Variants in TENM3 observed in about 807,000 individuals in gnomAD.
TENM3 encodes teneurin transmembrane protein 3.
Under a neutral mutation model 255.1 loss-of-function variants are expected in TENM3, and 63 were observed. The ratio of observed to expected loss-of-function variants is 0.25; its 90% CI spans 0.20 to 0.30. The LOEUF (loss-of-function observed/expected upper bound fraction) is 0.30. TENM3 is among the 10% of genes least tolerant of loss of function. The pLI is 1.00. For missense variants in TENM3, 2,929 were observed against 3,461.1 expected, an observed-to-expected ratio of 0.85 and a Z score of 3.86; for synonymous variants, 1,306 against 1,322.3, an observed-to-expected ratio of 0.99 and a Z score of 0.27.
chr4:181,534,078 C>A, the TENM3 span, among the ~76,000 whole-genome samples: 1 of 152,010 alleles, frequency 6.6e-6, no homozygotes, highest in Admixed American at 6.6e-5. Context: ...ATTATAGACA[C>A]AAAACAGACT....
chr4:182,162,569 C>G (rs1217163221), intron 1 of TENM3, among the ~76,000 whole-genome samples: 1 of 152,182 alleles, frequency 6.6e-6, no homozygotes, highest in African/African-American at 2.4e-5. Flanking sequence ...CTCTCTTAGC[C>G]TGTTCATGCT....
chr4:181,798,478 G>A, the TENM3 span, among the ~76,000 whole-genome samples: 9 of 151,836 alleles, frequency 5.9e-5, no homozygotes, highest in East Asian at 1.7e-3. Flanking sequence ...TTGGGCTTCC[G>A]CTAGTACATC....
the TENM3 span, among the ~76,000 whole-genome samples, chr4:181,581,877 C>T: frequency 2.0e-5 from 3 of 151,964 alleles, no homozygotes; most frequent in Non-Finnish European, 2.9e-5. Flanking sequence ...GGATTACAGG[C>T]GCCCACCGCC....
At chr4:182,279,844 G>C (rs1760257961) in intron 1 of TENM3, among the ~76,000 whole-genome samples, 1 of 152,050 alleles carries the variant, frequency 6.6e-6, no homozygotes, top group Non-Finnish European at 1.5e-5. Context: ...TTTTGCATTT[G>C]CCTCTGCTGG....
At chr4:181,641,026 A>T in the TENM3 span, among the ~76,000 whole-genome samples, 1 of 152,190 alleles carries the variant, frequency 6.6e-6, no homozygotes, top group South Asian at 2.1e-4. Context: ...TGGTAATCAC[A>T]CAAGGGACTA....
intron 1 of TENM3, among the ~76,000 whole-genome samples, chr4:182,247,521 G>C (rs1331805971): frequency 6.6e-6 from 1 of 152,182 alleles, no homozygotes; most frequent in Non-Finnish European, 1.5e-5. Flanking sequence ...TCACAAAGCT[G>C]CGCTGTTAGT....
At chr4:182,226,782 T>C (rs1756185401) in intron 1 of TENM3, among the ~76,000 whole-genome samples, 1 of 152,170 alleles carries the variant, frequency 6.6e-6, no homozygotes, top group Non-Finnish European at 1.5e-5. Flanking sequence ...TGATAAGACA[T>C]GTAAATGCAG....
At chr4:182,144,566 G>C (rs1749762809), upstream of TENM3, 3 of 149,614 alleles carry the variant, frequency 2.0e-5, no homozygotes, top group African/African-American at 4.9e-5. Flanking sequence ...GGCAGGGAAG[G>C]AAGTTGTAAC....
At chr4:182,771,453 T>G (rs1400685680) in intron 22 of TENM3, among the ~76,000 whole-genome samples, 1 of 144,462 alleles carries the variant, frequency 6.9e-6, no homozygotes, top group Non-Finnish European at 1.5e-5. Context: ...GAGAGCCAGA[T>G]CAAATCAGCT....
intron 1 of TENM3, among the ~76,000 whole-genome samples, chr4:182,150,945 CA>C (rs879861273): frequency 5.9e-5 from 9 of 152,058 alleles, no homozygotes; most frequent in Non-Finnish European, 1.3e-4. Context: ...TTCCCTCCCC[CA>C]AACAGAAAAG....
intron 12 of TENM3, among the ~76,000 whole-genome samples, chr4:182,698,750 A>C (rs1050979761): frequency 1.3e-5 from 2 of 152,156 alleles, no homozygotes; most frequent in African/African-American, 4.8e-5. Context: ...CTCATGAAAA[A>C]GACAGGCAGC....
intron 3 of TENM3, among the ~76,000 whole-genome samples, chr4:182,526,577 C>T (rs1739211423): frequency 6.6e-6 from 1 of 152,090 alleles, no homozygotes; most frequent in South Asian, 2.1e-4. Flanking sequence ...AAGAATATTA[C>T]TTTGTTTAGT....
At chr4:182,634,012 G>A (rs751180632) in intron 5 of TENM3, among the ~76,000 whole-genome samples, 2 of 152,124 alleles carry the variant, frequency 1.3e-5, no homozygotes, top group African/African-American at 2.4e-5. Flanking sequence ...TAGCAGATCC[G>A]AAGTGAGAAC....
chr4:182,285,375 G>A (rs1308820286), intron 1 of TENM3, among the ~76,000 whole-genome samples: 1 of 151,864 alleles, frequency 6.6e-6, no homozygotes, highest in African/African-American at 2.4e-5. Flanking sequence ...TGTTTGTTTT[G>A]CAAAGAGCTA....
the TENM3 span, among the ~76,000 whole-genome samples, chr4:182,082,489 A>G: frequency 6.6e-6 from 1 of 152,216 alleles, no homozygotes; most frequent in African/African-American, 2.4e-5. Flanking sequence ...CAACACACAT[A>G]CAATATTGAA....
the TENM3 span, among the ~76,000 whole-genome samples, chr4:181,550,336 A>G: frequency 6.6e-6 from 1 of 152,210 alleles, no homozygotes; most frequent in South Asian, 2.1e-4. Context: ...CCACCTACCT[A>G]CAGCAAACAA....
the TENM3 span, among the ~76,000 whole-genome samples, chr4:182,092,341 T>TAAATAAAC: frequency 1.3e-5 from 2 of 150,668 alleles, no homozygotes; most frequent in Non-Finnish European, 3.0e-5. Flanking sequence ...AATAAATAAA[T>TAAATAAAC]AAATAAACAA....
chr4:182,430,271 G>A (rs12644912), intron 3 of TENM3, among the ~76,000 whole-genome samples: 75,196 of 152,136 alleles, frequency 0.49, 18,953 homozygotes, highest in South Asian at 0.59. Context: ...ACTGTAGGCC[G>A]GGCGCAGTGG....
intron 3 of TENM3, among the ~76,000 whole-genome samples, chr4:182,459,838 T>C (rs1428402664): frequency 1.3e-5 from 2 of 152,196 alleles, no homozygotes; most frequent in Non-Finnish European, 1.5e-5. Flanking sequence ...AATTGTAAAC[T>C]TAAAGTATTT....
Sources: gnomAD v4.1 joint callset for allele counts (sites outside exome capture counted in the v4.1 genomes callset) on GRCh38, gnomAD v4.1.1 for gene constraint, MANE v1.5 for transcripts, NCBI Gene and HGNC (gene_info 2026-07-23, HGNC 2026-07-21) for gene names.